The following GALNT17 variants were observed in gnomAD, a reference collection of about 807,000 sequenced individuals.
The protein encoded by GALNT17 is polypeptide N-acetylgalactosaminyltransferase 17, also known as UDP-GalNAc:polypeptide N-acetylgalactosaminyltransferase-like 3.
GALNT17 carries 29 observed loss-of-function variants against 63.7 expected under a neutral mutation model. That is an observed-to-expected ratio of 0.46 (90% CI 0.34 to 0.62). The LOEUF is 0.62. Ranked by LOEUF, GALNT17 falls within the 20% of genes least tolerant of loss-of-function variation. The probability of loss-of-function intolerance (pLI) is 0.01; values close to 1 mark genes in which losing one functional copy is unlikely to be tolerated. For synonymous variants in GALNT17, 305 were observed against 318.3 expected, an observed-to-expected ratio of 0.96 and a Z score of 0.45; for missense variants, 603 against 799.6, an observed-to-expected ratio of 0.75 and a Z score of 2.97.
chr7:71,497,970 G>T (rs1236778468), intron 5 of GALNT17, among the ~76,000 whole-genome samples: 1 of 152,152 alleles, frequency 6.6e-6, no homozygotes, highest in Non-Finnish European at 1.5e-5. Flanking sequence ...GATTTTAAAA[G>T]AATGTTTTTC....
intron 5 of GALNT17, among the ~76,000 whole-genome samples, chr7:71,542,897 C>A (rs1788917211): frequency 6.6e-6 from 1 of 151,984 alleles, no homozygotes; most frequent in Non-Finnish European, 1.5e-5. Flanking sequence ...GATTTAAGAT[C>A]CCACCTGGCA....
intron 1 of GALNT17, among the ~76,000 whole-genome samples, chr7:71,202,042 G>A (rs147367461): frequency 6.6e-6 from 1 of 152,214 alleles, no homozygotes; most frequent in African/African-American, 2.4e-5. Context: ...CTTATGACAT[G>A]TTTGTTTCAA....
At chr7:71,410,910 G>A (rs1175146055) in intron 3 of GALNT17, among the ~76,000 whole-genome samples, 1 of 152,016 alleles carries the variant, frequency 6.6e-6, no homozygotes, top group Non-Finnish European at 1.5e-5. Flanking sequence ...TTCCCAAATG[G>A]CACTTGGCCA....
chr7:71,428,437 A>C (rs1383812538), intron 5 of GALNT17, among the ~76,000 whole-genome samples: 1 of 151,914 alleles, frequency 6.6e-6, no homozygotes. Context: ...CTTGGTGGAC[A>C]TCCCTTTTAT....
At chr7:71,470,238 A>G (rs898709243) in intron 5 of GALNT17, among the ~76,000 whole-genome samples, 2 of 152,120 alleles carry the variant, frequency 1.3e-5, no homozygotes, top group African/African-American at 4.8e-5. Context: ...AAAAGCAAAC[A>G]TAAGGTTGTA....
intron 5 of GALNT17, 39 bp from the exon 6 acceptor site, chr7:71,571,246 G>T: frequency 6.3e-7 from 1 of 1,586,316 alleles, no homozygotes; most frequent in South Asian, 1.1e-5. Flanking sequence ...TTCTGGCACT[G>T]ACACCTCAAT....
intron 1 of GALNT17, among the ~76,000 whole-genome samples, chr7:71,165,336 C>T (rs1027231379): frequency 9.9e-5 from 15 of 152,206 alleles, no homozygotes; most frequent in Non-Finnish European, 1.3e-4. Flanking sequence ...TTCACACTGC[C>T]GATAAAGTCA....
rs1585882084 is a variant in GALNT17, at chr7:71,207,808, A to G, written c.238+74768A>G. 5.9e-5 allele frequency among the ~76,000 whole-genome samples: 9 copies of G among 152,270 alleles called. No individual in the cohort carries two copies. In the Middle Eastern group the frequency reaches 0.01, roughly 173 times the overall value. On this transcript the variant is annotated intron_variant, in intron 1 of 10. Transcript: ENST00000333538. Reference sequence around the variant, plus strand: ...GCTCAAACACGAGCATCTGTCTGAAATGGAGTTCGTTGAAGGTGGTTTTGT... The same window carrying G: ...GCTCAAACACGAGCATCTGTCTGAAGTGGAGTTCGTTGAAGGTGGTTTTGT...
intron 3 of GALNT17, among the ~76,000 whole-genome samples, chr7:71,404,430 C>T (rs577900688): frequency 2.1e-4 from 32 of 152,364 alleles, no homozygotes; most frequent in African/African-American, 7.2e-4. Flanking sequence ...AAGCTTCCCT[C>T]TTTAATCTCT....
intron 5 of GALNT17, among the ~76,000 whole-genome samples, chr7:71,465,488 C>A (rs982514550): frequency 2.0e-5 from 3 of 152,182 alleles, no homozygotes. Flanking sequence ...GCATCACTCT[C>A]TTGAGCAAGA....
chr7:71,609,808 A>G (rs1790098368), intron 6 of GALNT17, among the ~76,000 whole-genome samples: 1 of 152,060 alleles, frequency 6.6e-6, no homozygotes, highest in Admixed American at 6.6e-5. Context: ...AATTATTACT[A>G]AGTTATTATT....
At chr7:71,182,998 A>G (rs929310436) in intron 1 of GALNT17, among the ~76,000 whole-genome samples, 5 of 152,136 alleles carry the variant, frequency 3.3e-5, no homozygotes, top group African/African-American at 1.2e-4. Context: ...GACCGTGTAC[A>G]TTTCATGCCA....
At chr7:71,627,122 G>T (rs919073951) in intron 6 of GALNT17, among the ~76,000 whole-genome samples, 1 of 152,188 alleles carries the variant, frequency 6.6e-6, no homozygotes, top group Non-Finnish European at 1.5e-5. Context: ...AAGGAGTTTC[G>T]TGAACAGACA....
chr7:71,135,006 C>G lies in GALNT17; in HGVS notation c.238+1966C>G, dbSNP rs147955478. ...AGCTGGGTCTACAAGTGTGCATCAC[C>G]ATGCCCTTCTAATTTTTTAATTTTT... is the stretch of plus-strand genomic sequence containing the variant. On this transcript the variant is annotated intron_variant, in intron 1 of 10. Coordinates refer to ENST00000333538, the MANE Select transcript of GALNT17 (RefSeq NM_022479.3). 3.6e-3 allele frequency among the ~76,000 whole-genome samples: 540 copies of G among 151,940 alleles called. 3 individuals are homozygous for G. The highest frequency in any genetic ancestry group is 0.012 in the African/African-American group (510 of 41,460).
chr7:71,440,231 T>C (rs999023374), intron 5 of GALNT17, among the ~76,000 whole-genome samples: 8 of 152,078 alleles, frequency 5.3e-5, no homozygotes, highest in African/African-American at 1.9e-4. Flanking sequence ...TATTCCTTTT[T>C]CCACTGTATC....
chr7:71,648,147 T>C (rs1790706870), intron 6 of GALNT17, among the ~76,000 whole-genome samples: 1 of 152,242 alleles, frequency 6.6e-6, no homozygotes, highest in African/African-American at 2.4e-5. Flanking sequence ...AGCTATTCTC[T>C]TGGCTAGTAA....
At position 71,541,498 on chromosome 7, in the gene GALNT17, A is replaced by T. The variant is rs1358616153; in HGVS notation, c.963-29787A>T. ...AACCCAGGAGGCGGAGGTTGCAGTG[A>T]GCCGAGATCTCGCCACTGTATTCCG... On this transcript the variant is annotated intron_variant, in intron 5 of 10. Coordinates refer to ENST00000333538, the MANE Select transcript of GALNT17 (RefSeq NM_022479.3). Among the ~76,000 whole-genome samples the T allele has an allele frequency of 2.0e-5, 3 of 152,174 alleles. No homozygotes were observed. In the East Asian group the frequency reaches 5.8e-4, roughly 29 times the overall value.
intron 1 of GALNT17, among the ~76,000 whole-genome samples, chr7:71,136,301 A>G (rs896841386): frequency 1.3e-5 from 2 of 152,108 alleles, no homozygotes; most frequent in Non-Finnish European, 2.9e-5. Flanking sequence ...AATGTTCTTT[A>G]TTCCCTTGGA....
intron 1 of GALNT17, among the ~76,000 whole-genome samples, chr7:71,318,515 G>A (rs1387623847): frequency 6.6e-6 from 1 of 151,436 alleles, no homozygotes; most frequent in Non-Finnish European, 1.5e-5. Context: ...TGCCTCCTGG[G>A]TTCAAGCGAC....
Sources: allele counts gnomAD v4.1 joint callset (sites outside exome capture counted in the v4.1 genomes callset), GRCh38; gene constraint gnomAD v4.1.1; transcripts MANE v1.5; gene names NCBI Gene and HGNC (gene_info 2026-07-23, HGNC 2026-07-21).